IGSF5: variants seen among roughly 807,000 people sequenced by gnomAD.
The protein encoded by IGSF5 is immunoglobulin superfamily member 5, also known as immunoglobulin superfamily 5 like.
IGSF5 carries 41 observed loss-of-function variants against 39.4 expected under a neutral mutation model. That is an observed-to-expected ratio of 1.04 (90% CI 0.81 to 1.35). The LOEUF (loss-of-function observed/expected upper bound fraction) is 1.35, where lower values mean the gene tolerates loss of function less well. IGSF5 is among the 40% of genes most tolerant of loss of function. The probability of loss-of-function intolerance (pLI) is 0.00; values close to 1 mark genes in which losing one functional copy is unlikely to be tolerated. For missense variants in IGSF5, 487 were observed against 494.6 expected (o/e 0.98, Z 0.15); for synonymous variants, 183 against 175.3 (o/e 1.04, Z -0.34).
intron 8 of IGSF5, among the ~76,000 whole-genome samples, chr21:39,795,725 C>T (rs1437586202): frequency 2.0e-5 from 3 of 151,844 alleles, no homozygotes; most frequent in South Asian, 2.1e-4. Context: ...AATAATCAAT[C>T]GGTGGAAAAA....
At chr21:39,768,424 A>G (rs2146281353) in intron 3 of IGSF5, among the ~76,000 whole-genome samples, 1 of 152,366 alleles carries the variant, frequency 6.6e-6, no homozygotes, top group Middle Eastern at 3.4e-3. Context: ...ACTTTTGTAT[A>G]AAGGGTTTGT....
At chr21:39,792,275 C>T (rs757645827) in intron 7 of IGSF5, among the ~76,000 whole-genome samples, 176 bp downstream of exon 7, 4 of 151,978 alleles carry the variant, frequency 2.6e-5, no homozygotes, top group Non-Finnish European at 5.9e-5. Context: ...AGTAGGTTAA[C>T]AGTAAAAATC....
chr21:39,748,965 A>G (rs1305359163), intron 2 of IGSF5, among the ~76,000 whole-genome samples: 1 of 152,194 alleles, frequency 6.6e-6, no homozygotes, highest in Non-Finnish European at 1.5e-5. Context: ...ACACACAAAA[A>G]TTAACTTTTC....
intron 2 of IGSF5, among the ~76,000 whole-genome samples, chr21:39,753,784 G>T (rs778799997): frequency 6.6e-6 from 1 of 151,500 alleles, no homozygotes; most frequent in Non-Finnish European, 1.5e-5. Context: ...TGTTTTGTCT[G>T]AAATAAGAAT....
intron 5 of IGSF5, among the ~76,000 whole-genome samples, chr21:39,787,402 A>T (rs1023044808): frequency 1.3e-5 from 2 of 152,322 alleles, no homozygotes; most frequent in African/African-American, 4.8e-5. Flanking sequence ...AGGCCTGGAC[A>T]GTAAAGCTCG....
intron 2 of IGSF5, among the ~76,000 whole-genome samples, chr21:39,757,427 C>A (rs2080036964): frequency 6.6e-6 from 1 of 152,084 alleles, no homozygotes; most frequent in African/African-American, 2.4e-5. Context: ...TGCAGGTGGG[C>A]TGGCGGGTGG....
At chr21:39,763,670 C>G (rs2080071676) in intron 2 of IGSF5, among the ~76,000 whole-genome samples, 1 of 152,082 alleles carries the variant, frequency 6.6e-6, no homozygotes, top group South Asian at 2.1e-4. Context: ...TGGGGCTCAC[C>G]CACCCCATCA....
At chr21:39,757,796 C>T (rs569717466) in intron 2 of IGSF5, among the ~76,000 whole-genome samples, 25 of 152,196 alleles carry the variant, frequency 1.6e-4, no homozygotes, top group South Asian at 8.3e-4. Flanking sequence ...AGGCTGATCT[C>T]GAACTCCTGA....
intron 3 of IGSF5, among the ~76,000 whole-genome samples, chr21:39,768,076 A>G (rs916361801): frequency 1.3e-5 from 2 of 152,198 alleles, no homozygotes; most frequent in African/African-American, 2.4e-5. Flanking sequence ...CTTTTTATAT[A>G]TTGGTAATTA....
intron 2 of IGSF5, among the ~76,000 whole-genome samples, chr21:39,749,210 T>A: frequency 1.0e-5 from 1 of 98,696 alleles, no homozygotes; most frequent in Non-Finnish European, 2.1e-5. Context: ...GAAAGACAAA[T>A]AGGTTTTTTT....
At chr21:39,780,587 A>G (rs2080165269) in intron 5 of IGSF5, among the ~76,000 whole-genome samples, 1 of 152,246 alleles carries the variant, frequency 6.6e-6, no homozygotes, top group African/African-American at 2.4e-5. Flanking sequence ...AGTGGTAGAA[A>G]GAAAAAATAA....
At chr21:39,733,930 T>C in the IGSF5 span, among the ~76,000 whole-genome samples, 1 of 152,184 alleles carries the variant, frequency 6.6e-6, no homozygotes, top group Non-Finnish European at 1.5e-5. Flanking sequence ...ATCAGTCATA[T>C]CGAATTCGGG....
At chr21:39,743,637 A>C (rs1334954730), upstream of IGSF5, among the ~76,000 whole-genome samples, 1 of 147,466 alleles carries the variant, frequency 6.8e-6, no homozygotes, top group Admixed American at 6.7e-5. Context: ...AGTCAGGGGG[A>C]TGTTGGGGTA....
intron 5 of IGSF5, among the ~76,000 whole-genome samples, chr21:39,785,650 T>C (rs1008512852): frequency 6.6e-6 from 1 of 152,116 alleles, no homozygotes; most frequent in African/African-American, 2.4e-5. Flanking sequence ...CCTTGGGCAG[T>C]ATGGCCATTT....
chr21:39,716,107 A>G, the IGSF5 span, among the ~76,000 whole-genome samples: 1 of 152,180 alleles, frequency 6.6e-6, no homozygotes, highest in Non-Finnish European at 1.5e-5. Flanking sequence ...GTCGTGCACT[A>G]GAGCCCGCAG....
chr21:39,743,295 A>G (rs1363293114), upstream of IGSF5, among the ~76,000 whole-genome samples: 1 of 151,840 alleles, frequency 6.6e-6, no homozygotes, highest in Non-Finnish European at 1.5e-5. Context: ...GGCTGCAGTA[A>G]TGGTGGCACT....
At chr21:39,796,704 C>T (rs2086997929) in intron 8 of IGSF5, among the ~76,000 whole-genome samples, 1 of 152,190 alleles carries the variant, frequency 6.6e-6, no homozygotes, top group South Asian at 2.1e-4. Context: ...GGGTTGTTGA[C>T]TACAGATTGC....
chr21:39,779,372 T>C, intron 5 of IGSF5, 67 bp downstream of exon 5: 4 of 1,566,124 alleles, frequency 2.6e-6, no homozygotes, highest in Non-Finnish European at 3.5e-6. Flanking sequence ...TTGAAGTTAA[T>C]GAACTCATCA....
At chr21:39,773,591 G>A (rs73217282) in intron 4 of IGSF5, among the ~76,000 whole-genome samples, 2,335 of 151,416 alleles carry the variant, frequency 0.015, 24 homozygotes, top group Admixed American at 0.024. Flanking sequence ...GTCAGTTGGT[G>A]TCCCTCCAAG....
Sources: allele counts gnomAD v4.1 joint callset (sites outside exome capture counted in the v4.1 genomes callset), GRCh38; gene constraint gnomAD v4.1.1; transcripts MANE v1.5; gene names NCBI Gene and HGNC (gene_info 2026-07-23, HGNC 2026-07-21).